The following SRD5A2 variants were observed in gnomAD, a reference collection of about 807,000 sequenced individuals.
SRD5A2 encodes steroid 5 alpha-reductase 2, also known as 3-oxo-5-alpha-steroid 4-dehydrogenase 2.
A neutral mutation model predicts 27.4 loss-of-function variants in SRD5A2; 30 were observed. That is an observed-to-expected ratio of 1.10 (90% CI 0.82 to 1.49). SRD5A2 has a LOEUF of 1.49. Ranked by LOEUF, SRD5A2 falls within the 40% of genes most tolerant of loss-of-function variation. The pLI is 0.00. For synonymous variants in SRD5A2, 141 were observed against 133.6 expected (o/e 1.06, Z -0.38); for missense variants, 348 against 323.4 (o/e 1.08, Z -0.58).
chr2:31,638,686 C>CT, the SRD5A2 span, among the ~76,000 whole-genome samples: 1 of 150,948 alleles, frequency 6.6e-6, no homozygotes, highest in African/African-American at 2.4e-5. Context: ...ACTTTTTTGT[C>CT]TTTTTTTATA....
the SRD5A2 span, among the ~76,000 whole-genome samples, chr2:31,588,774 T>TAC: frequency 6.6e-6 from 1 of 152,200 alleles, no homozygotes; most frequent in Non-Finnish European, 1.5e-5. Context: ...CTGCAGTGTG[T>TAC]ACACTATTCT....
chr2:31,649,713 G>T, the SRD5A2 span, among the ~76,000 whole-genome samples: 1 of 151,936 alleles, frequency 6.6e-6, no homozygotes, highest in Non-Finnish European at 1.5e-5. Context: ...GTAATTTCTA[G>T]ATTTTTCAGT....
At chr2:31,657,836 G>C in the SRD5A2 span, among the ~76,000 whole-genome samples, 1 of 152,140 alleles carries the variant, frequency 6.6e-6, no homozygotes, top group African/African-American at 2.4e-5. Context: ...AATCCTGTGG[G>C]TGTGAAGAGT....
the SRD5A2 span, among the ~76,000 whole-genome samples, chr2:31,649,543 C>T: frequency 2.0e-5 from 3 of 152,010 alleles, no homozygotes; most frequent in Non-Finnish European, 4.4e-5. Flanking sequence ...ATTTTTACTC[C>T]ATATTCAAAA....
the SRD5A2 span, among the ~76,000 whole-genome samples, chr2:31,615,956 CA>C: frequency 2.0e-5 from 3 of 152,172 alleles, no homozygotes; most frequent in Non-Finnish European, 4.4e-5. Context: ...TCAGAAGGTT[CA>C]AGTACCAAGC....
At chr2:31,653,485 C>T in the SRD5A2 span, among the ~76,000 whole-genome samples, 5 of 152,252 alleles carry the variant, frequency 3.3e-5, no homozygotes, top group Non-Finnish European at 7.4e-5. Context: ...CTTTTCTTTA[C>T]ATAAGATTGT....
At chr2:31,551,426 C>T (rs1009545727) in intron 1 of SRD5A2, among the ~76,000 whole-genome samples, 2 of 152,124 alleles carry the variant, frequency 1.3e-5, no homozygotes, top group Non-Finnish European at 2.9e-5. Flanking sequence ...GTTGAAAATA[C>T]ATTTAATACA....
rs1665696399 is a variant in SRD5A2 at position 31,523,184 on chromosome 2, C to T, written c.*3012G>A. 4.6e-6 allele frequency: 1 copy of T among 216,212 alleles called. No homozygotes were observed. The highest frequency in any genetic ancestry group is 1.9e-4 in the South Asian group (1 of 5,364). The allele number at this position is 216,212 out of a possible 1,614,324, so 13.4% of individuals were successfully genotyped here. On this transcript the variant is annotated 3_prime_UTR_variant, in exon 5 of 5. Transcript: ENST00000622030. Reference sequence around the variant, plus strand: ...GAACACACATGTTGTCTTGACTACACCAATGAGGGAAAACTCTCTATTCTG... The same window carrying T: ...GAACACACATGTTGTCTTGACTACATCAATGAGGGAAAACTCTCTATTCTG...
the SRD5A2 span, among the ~76,000 whole-genome samples, chr2:31,644,251 T>G: frequency 6.6e-6 from 1 of 152,146 alleles, no homozygotes; most frequent in African/African-American, 2.4e-5. Flanking sequence ...TCTTCAAAAA[T>G]GTCAAGGTCA....
chr2:31,626,588 G>A, the SRD5A2 span, among the ~76,000 whole-genome samples: 1 of 152,092 alleles, frequency 6.6e-6, no homozygotes, highest in African/African-American at 2.4e-5. Context: ...TTTGTTGAAG[G>A]CCTTTTCTGC....
the SRD5A2 span, among the ~76,000 whole-genome samples, chr2:31,626,574 G>T: frequency 6.6e-6 from 1 of 152,090 alleles, no homozygotes; most frequent in Non-Finnish European, 1.5e-5. Flanking sequence ...GAAAGCTGTT[G>T]AATTTTGTTG....
At chr2:31,588,351 G>C in the SRD5A2 span, among the ~76,000 whole-genome samples, 4 of 152,078 alleles carry the variant, frequency 2.6e-5, no homozygotes, top group Admixed American at 6.5e-5. Context: ...CAAGGATAAA[G>C]AAAGAATCCT....
At chr2:31,554,772 A>C (rs1363524970) in intron 1 of SRD5A2, among the ~76,000 whole-genome samples, 1 of 152,168 alleles carries the variant, frequency 6.6e-6, no homozygotes, top group Non-Finnish European at 1.5e-5. Context: ...TCCATTACTC[A>C]AATGGTAGAA....
the SRD5A2 span, among the ~76,000 whole-genome samples, chr2:31,629,098 C>G: frequency 6.6e-6 from 1 of 152,154 alleles, no homozygotes; most frequent in African/African-American, 2.4e-5. Flanking sequence ...ACACTGCCCC[C>G]AATGCCGGTC....
chr2:31,638,795 T>A, the SRD5A2 span, among the ~76,000 whole-genome samples: 3 of 151,990 alleles, frequency 2.0e-5, no homozygotes, highest in African/African-American at 7.2e-5. Flanking sequence ...ACTTTCAGCC[T>A]ATGTGTGTCT....
chr2:31,621,590 G>T, the SRD5A2 span, among the ~76,000 whole-genome samples: 1 of 152,020 alleles, frequency 6.6e-6, no homozygotes, highest in Non-Finnish European at 1.5e-5. Context: ...AATGTAAGTT[G>T]TCAGTTCTCT....
At position 31,570,094 on chromosome 2, in the gene SRD5A2, A is replaced by G. The variant is rs560501017; in HGVS notation, c.281+10526T>C. Among the ~76,000 whole-genome samples, 22 of 152,236 alleles carry G rather than the reference A, an allele frequency of 1.4e-4. 1 individual carries two copies. The highest frequency in any genetic ancestry group is 1.3e-3 in the Admixed American group (20 of 15,290). ...CAACAGAAAAAGAAAACTTCAGGCC[A>G]ATATCCCTGATGAACATCAGGGCAA... On this transcript the variant is annotated intron_variant, in intron 1 of 4. Coordinates refer to ENST00000622030, the MANE Select transcript of SRD5A2 (RefSeq NM_000348.4).
At chr2:31,631,138 G>A in the SRD5A2 span, among the ~76,000 whole-genome samples, 1 of 152,178 alleles carries the variant, frequency 6.6e-6, no homozygotes, top group Non-Finnish European at 1.5e-5. Context: ...AGTTGTTTAT[G>A]GGAGTGCATC....
chr2:31,605,742 CAA>C, the SRD5A2 span, among the ~76,000 whole-genome samples: 2 of 141,494 alleles, frequency 1.4e-5, no homozygotes, highest in East Asian at 4.1e-4. Context: ...TTTGGAGGAT[CAA>C]AAAAAAAAAC....
Sources: allele counts gnomAD v4.1 joint callset (sites outside exome capture counted in the v4.1 genomes callset), GRCh38; gene constraint gnomAD v4.1.1; transcripts MANE v1.5; gene names NCBI Gene and HGNC (gene_info 2026-07-23, HGNC 2026-07-21).